BLTP1: variants seen among roughly 807,000 people sequenced by gnomAD.
The protein encoded by BLTP1 is fragile site-associated protein.
chr4:122,305,441 T>C, the BLTP1 span: 1 of 970,612 alleles, frequency 1.0e-6, no homozygotes, highest in East Asian at 1.1e-4. Flanking sequence ...TTTTTTGTTT[T>C]TATTTTGCCA....
chr4:122,154,885 T>A, the BLTP1 span: 3 of 855,286 alleles, frequency 3.5e-6, no homozygotes, highest in Non-Finnish European at 4.2e-6. Flanking sequence ...AAACAAAAAT[T>A]GAGAAAATGA....
the BLTP1 span, among the ~76,000 whole-genome samples, chr4:122,206,340 A>G: frequency 6.6e-6 from 1 of 151,924 alleles, no homozygotes; most frequent in Non-Finnish European, 1.5e-5. Flanking sequence ...GTAAAACAAA[A>G]CAAAAAACAG....
chr4:122,311,031 T>C, the BLTP1 span: 1 of 332,890 alleles, frequency 3.0e-6, no homozygotes, highest in South Asian at 1.2e-4. Context: ...AAGACAAAAA[T>C]AAATTTAAAC....
At chr4:122,332,274 A>G in the BLTP1 span, among the ~76,000 whole-genome samples, 295 of 152,128 alleles carry the variant, frequency 1.9e-3, 1 homozygote, top group African/African-American at 6.9e-3. Flanking sequence ...ATATGAGAAA[A>G]TAAAAAAGGT....
chr4:122,290,660 G>A, the BLTP1 span, among the ~76,000 whole-genome samples: 11 of 150,206 alleles, frequency 7.3e-5, no homozygotes, highest in Admixed American at 1.3e-4. Context: ...GGTGGTGGGC[G>A]CCTGTAGTCC....
the BLTP1 span, among the ~76,000 whole-genome samples, chr4:122,161,992 G>A: frequency 6.6e-6 from 1 of 152,122 alleles, no homozygotes; most frequent in African/African-American, 2.4e-5. Context: ...TTTCTAAACC[G>A]ATAATTACAA....
the BLTP1 span, chr4:122,270,439 T>G: frequency 1.5e-6 from 1 of 676,610 alleles, no homozygotes; most frequent in South Asian, 6.6e-5. Flanking sequence ...ATATTAAAAT[T>G]TACTATAATA....
chr4:122,344,479 T>C, the BLTP1 span: 2 of 1,614,030 alleles, frequency 1.2e-6, no homozygotes, highest in Non-Finnish European at 1.7e-6. Flanking sequence ...GGATCAGGCG[T>C]TCAGGAGGTG....
the BLTP1 span, chr4:122,246,251 G>T: frequency 3.1e-6 from 5 of 1,607,248 alleles, no homozygotes; most frequent in Non-Finnish European, 4.2e-6. Context: ...AATGAAGCAA[G>T]ATAATGTAAC....
chr4:122,247,550 A>G, the BLTP1 span: 1 of 1,059,370 alleles, frequency 9.4e-7, no homozygotes, highest in Non-Finnish European at 1.3e-6. Flanking sequence ...AGAATAGAAA[A>G]TAAACTTTGG....
chr4:122,186,070 C>T, the BLTP1 span: 276 of 1,603,840 alleles, frequency 1.7e-4, 1 homozygote, highest in South Asian at 2.5e-3. Context: ...ACATCACAGT[C>T]AATGACTTTG....
the BLTP1 span, among the ~76,000 whole-genome samples, chr4:122,316,069 G>A: frequency 1.3e-5 from 2 of 152,036 alleles, no homozygotes; most frequent in African/African-American, 2.4e-5. Context: ...GAGTTTTATG[G>A]TACGTGAGTT....
the BLTP1 span, among the ~76,000 whole-genome samples, chr4:122,326,159 A>T: frequency 2.6e-5 from 4 of 151,380 alleles, no homozygotes; most frequent in African/African-American, 9.7e-5. Flanking sequence ...ACCAAATCAT[A>T]AAAAAAACTA....
chr4:122,247,329 T>C, the BLTP1 span: 1 of 1,613,394 alleles, frequency 6.2e-7, no homozygotes, highest in Non-Finnish European at 8.5e-7. Context: ...ATCGAGTTCA[T>C]GGGCAACTTA....
chr4:122,255,734 A>G, the BLTP1 span, among the ~76,000 whole-genome samples: 1 of 152,206 alleles, frequency 6.6e-6, no homozygotes, highest in African/African-American at 2.4e-5. Context: ...TAAAGGTGTT[A>G]GTAGAAGCTG....
the BLTP1 span, chr4:122,254,121 A>C: frequency 2.1e-6 from 3 of 1,412,912 alleles, no homozygotes; most frequent in Non-Finnish European, 2.9e-6. Flanking sequence ...TTTTGCACTT[A>C]AAACATTAGC....
At chr4:122,260,783 A>G in the BLTP1 span, among the ~76,000 whole-genome samples, 2 of 152,200 alleles carry the variant, frequency 1.3e-5, no homozygotes, top group African/African-American at 4.8e-5. Flanking sequence ...CGTTCTTTGC[A>G]GCACTATTTA....
At chr4:122,262,842 G>A in the BLTP1 span, 3 of 1,613,916 alleles carry the variant, frequency 1.9e-6, no homozygotes, top group Non-Finnish European at 1.7e-6. Context: ...TGGACGTGCT[G>A]GGATGCCAGT....
At chr4:122,322,056 T>A in the BLTP1 span, among the ~76,000 whole-genome samples, 1 of 144,430 alleles carries the variant, frequency 6.9e-6, no homozygotes, top group Non-Finnish European at 1.5e-5. Flanking sequence ...TTCCTCTATC[T>A]GTGGTTTGGC....
Sources: allele counts gnomAD v4.1 joint callset (sites outside exome capture counted in the v4.1 genomes callset), GRCh38; gene constraint gnomAD v4.1.1; transcripts MANE v1.5; gene names NCBI Gene and HGNC (gene_info 2026-07-23, HGNC 2026-07-21).